Variants in CDKAL1 observed in about 807,000 individuals in gnomAD.
CDKAL1 encodes the protein CDKAL1 threonylcarbamoyladenosine tRNA methylthiotransferase.
Under a neutral mutation model 68.2 loss-of-function variants are expected in CDKAL1, and 32 were observed. The ratio of observed to expected loss-of-function variants is 0.47; its 90% CI spans 0.35 to 0.63. CDKAL1 has a LOEUF of 0.63. Ranked by LOEUF, CDKAL1 falls within the 30% of genes least tolerant of loss-of-function variation. The probability of loss-of-function intolerance (pLI) is 0.00; values close to 1 mark genes in which losing one functional copy is unlikely to be tolerated. For missense variants in CDKAL1, 606 were observed against 696.7 expected, an observed-to-expected ratio of 0.87 and a Z score of 1.47; for synonymous variants, 234 against 244.3, an observed-to-expected ratio of 0.96 and a Z score of 0.39.
intron 9 of CDKAL1, among the ~76,000 whole-genome samples, chr6:20,857,157 G>A (rs766348037): frequency 6.6e-6 from 1 of 151,980 alleles, no homozygotes; most frequent in Non-Finnish European, 1.5e-5. Flanking sequence ...TTTATTTCTC[G>A]TGGTGAGTTC....
chr6:20,852,002 A>G (rs1759038352), intron 9 of CDKAL1, among the ~76,000 whole-genome samples: 1 of 152,136 alleles, frequency 6.6e-6, no homozygotes, highest in South Asian at 2.1e-4. Flanking sequence ...GTTAAATTAA[A>G]TGTCTCTTTA....
intron 11 of CDKAL1, among the ~76,000 whole-genome samples, chr6:21,064,674 T>C (rs1001869499): frequency 4.6e-5 from 7 of 152,204 alleles, no homozygotes; most frequent in African/African-American, 1.7e-4. Flanking sequence ...AGTTGTTCAT[T>C]GATTTCTTTG....
intron 13 of CDKAL1, among the ~76,000 whole-genome samples, chr6:21,144,324 G>A (rs1404700172): frequency 2.0e-5 from 3 of 152,174 alleles, no homozygotes; most frequent in Non-Finnish European, 2.9e-5. Context: ...ACATGCAAAT[G>A]TTATATTCCC....
chr6:20,866,553 CT>C (rs1759918564), intron 9 of CDKAL1, among the ~76,000 whole-genome samples: 1 of 150,990 alleles, frequency 6.6e-6, no homozygotes, highest in African/African-American at 2.5e-5. Context: ...TAAAATTTAT[CT>C]TTTCTAACTC....
chr6:20,775,597 G>T (rs562823384), intron 7 of CDKAL1, among the ~76,000 whole-genome samples: 1 of 152,288 alleles, frequency 6.6e-6, no homozygotes, highest in East Asian at 1.9e-4. Context: ...AACTCCTTCA[G>T]CATGTTTCTC....
chr6:21,000,285 A>G lies in CDKAL1; in HGVS notation c.968A>G (p.Gln323Arg), dbSNP rs757669623. 3.7e-6 allele frequency: 6 copies of G among 1,613,984 alleles called. No homozygotes were observed. The highest frequency in any genetic ancestry group is 2.5e-6 in the Non-Finnish European group (3 of 1,179,840). ...TACGCTTTTCTGCACATACCAGTCC[A>G]GTCTGCCTCCGACAGCGTACTCATG... ...RVYAFLHIPVQSASDSVLMEM... is the reference protein window; with the variant it reads ...RVYAFLHIPVRSASDSVLMEM... Residue 323 changes from glutamine (Q) to arginine (R), a missense_variant, in exon 11 of 16, where the codon CAG becomes CGG. Physicochemically the swap from Gln to Arg is conservative, Grantham distance 43. Coordinates refer to ENST00000274695, the MANE Select transcript of CDKAL1 (RefSeq NM_017774.3).
chr6:21,171,269 G>A (rs1218769434), intron 13 of CDKAL1, among the ~76,000 whole-genome samples: 1 of 152,134 alleles, frequency 6.6e-6, no homozygotes, highest in African/African-American at 2.4e-5. Context: ...CTGAAGTGCA[G>A]TGGTACGATC....
rs546572744 is a variant in CDKAL1, at chr6:21,180,623, T to A, written c.1300-17398T>A. 4.6e-5 allele frequency among the ~76,000 whole-genome samples: 7 copies of A among 152,306 alleles called. No individual in the cohort carries two copies. The East Asian group carries it at 7.7e-4, about 17-fold the overall frequency. On this transcript the variant is annotated intron_variant, in intron 13 of 15. Transcript: ENST00000274695. The stretch of plus-strand genomic sequence containing the variant: ...AACATTTTGAATTTAAAAACTTTTT[T>A]CCAGATACATTTTTTTTTTACTATG...
chr6:20,924,465 A>G (rs760519639), intron 9 of CDKAL1, among the ~76,000 whole-genome samples: 3 of 150,522 alleles, frequency 2.0e-5, no homozygotes, highest in Non-Finnish European at 3.0e-5. Context: ...GCAAAAGAGA[A>G]GTTATTGAGG....
At chr6:20,641,944 A>C (rs1409635150) in intron 4 of CDKAL1, among the ~76,000 whole-genome samples, 1 of 152,198 alleles carries the variant, frequency 6.6e-6, no homozygotes, top group Non-Finnish European at 1.5e-5. Flanking sequence ...TTTGCCTTCC[A>C]AAGAGTTTCA....
At chr6:20,869,119 TATCTC>T (rs1760058737) in intron 9 of CDKAL1, among the ~76,000 whole-genome samples, 1 of 152,224 alleles carries the variant, frequency 6.6e-6, no homozygotes, top group African/African-American at 2.4e-5. Context: ...ATCTGTTCAG[TATCTC>T]ATCTCATTTT....
At chr6:20,541,461 C>A (rs1350936306) in intron 2 of CDKAL1, among the ~76,000 whole-genome samples, 1 of 152,166 alleles carries the variant, frequency 6.6e-6, no homozygotes, top group Non-Finnish European at 1.5e-5. Context: ...AGTTGACATC[C>A]TCCCAACTTA....
chr6:20,592,714 G>A (rs987782030), intron 4 of CDKAL1, among the ~76,000 whole-genome samples: 9 of 152,034 alleles, frequency 5.9e-5, no homozygotes, highest in Admixed American at 1.3e-4. Flanking sequence ...TGATCCACCC[G>A]CCTCGGCTTC....
chr6:20,554,127 AT>A (rs1486379210), intron 4 of CDKAL1, among the ~76,000 whole-genome samples: 1 of 152,258 alleles, frequency 6.6e-6, no homozygotes, highest in Non-Finnish European at 1.5e-5. Context: ...CAACTTTTAA[AT>A]AAACTATTAC....
chr6:20,865,141 G>C (rs1409540745), intron 9 of CDKAL1, among the ~76,000 whole-genome samples: 1 of 152,172 alleles, frequency 6.6e-6, no homozygotes, highest in Non-Finnish European at 1.5e-5. Flanking sequence ...GAAGCACAGA[G>C]AGGTTACGCT....
At chr6:20,937,274 A>G (rs182580244) in intron 9 of CDKAL1, among the ~76,000 whole-genome samples, 8 of 152,244 alleles carry the variant, frequency 5.3e-5, no homozygotes, top group African/African-American at 1.9e-4. Context: ...TTTTGTAGAA[A>G]TGGGGTTTCG....
chr6:20,546,592 C>T (rs184029456), intron 3 of CDKAL1, 69 bp downstream of exon 3: 70 of 1,386,738 alleles, frequency 5.0e-5, no homozygotes, highest in Admixed American at 1.5e-4. Flanking sequence ...CTTGCTCTGT[C>T]GCCCAGGCTG....
chr6:21,081,064 G>A (rs1489371923), intron 12 of CDKAL1, among the ~76,000 whole-genome samples: 1 of 152,118 alleles, frequency 6.6e-6, no homozygotes, highest in Non-Finnish European at 1.5e-5. Flanking sequence ...ATTTTAATTT[G>A]TGCTTTGTAG....
chr6:20,673,908 C>T (rs1769967540), intron 5 of CDKAL1, among the ~76,000 whole-genome samples: 1 of 152,162 alleles, frequency 6.6e-6, no homozygotes, highest in Non-Finnish European at 1.5e-5. Context: ...AGTGTGAAAA[C>T]AGACTAATAC....
Sources: allele counts gnomAD v4.1 joint callset (sites outside exome capture counted in the v4.1 genomes callset), GRCh38; gene constraint gnomAD v4.1.1; transcripts MANE v1.5; gene names NCBI Gene and HGNC (gene_info 2026-07-23, HGNC 2026-07-21).